Variants in GRIK1 observed in about 807,000 individuals in gnomAD.
GRIK1 encodes the protein glutamate ionotropic receptor kainate type subunit 1.
Under a neutral mutation model 105.7 loss-of-function variants are expected in GRIK1, and 69 were observed. The observed-to-expected ratio is 0.65, with a 90% CI of 0.54 to 0.80. The LOEUF (loss-of-function observed/expected upper bound fraction) is 0.80. Ranked by LOEUF, GRIK1 falls within the 30% of genes least tolerant of loss-of-function variation. GRIK1 has a pLI of 0.00. For synonymous variants in GRIK1, 438 were observed against 431.3 expected (o/e 1.02, Z -0.19); for missense variants, 1,109 against 1,167.3 (o/e 0.95, Z 0.73).
At chr21:29,647,140 A>T (rs1776813788) in intron 6 of GRIK1, among the ~76,000 whole-genome samples, 2 of 152,170 alleles carry the variant, frequency 1.3e-5, no homozygotes. Flanking sequence ...CACCGTGCCC[A>T]GCCTCTTGTT....
At chr21:29,618,401 A>G (rs1268126234) in intron 7 of GRIK1, among the ~76,000 whole-genome samples, 1 of 152,206 alleles carries the variant, frequency 6.6e-6, no homozygotes, top group African/African-American at 2.4e-5. Context: ...ACACTTCTAC[A>G]CTGCTGGTGG....
chr21:29,851,722 T>C (rs2068310377), intron 1 of GRIK1, among the ~76,000 whole-genome samples: 1 of 151,954 alleles, frequency 6.6e-6, no homozygotes, highest in Admixed American at 6.6e-5. Flanking sequence ...GTCTACCTCA[T>C]GGCCTCAACT....
At chr21:29,539,667 G>A (rs774355465) in intron 16 of GRIK1, among the ~76,000 whole-genome samples, 2 of 152,102 alleles carry the variant, frequency 1.3e-5, no homozygotes, top group Non-Finnish European at 2.9e-5. Context: ...TTGTATCAGA[G>A]TTTTGCAAAC....
intron 1 of GRIK1, among the ~76,000 whole-genome samples, chr21:29,775,954 A>C (rs905551197): frequency 6.6e-5 from 10 of 152,202 alleles, no homozygotes; most frequent in Non-Finnish European, 1.3e-4. Flanking sequence ...TAATTGACTC[A>C]AGGTTCAGCA....
chr21:29,672,914 A>G (rs2063186197), intron 4 of GRIK1, 69 bp downstream of exon 4: 4 of 1,119,642 alleles, frequency 3.6e-6, no homozygotes, highest in African/African-American at 1.6e-5. Flanking sequence ...AGTGAAAACT[A>G]GATGGCATTT....
chr21:29,749,647 T>C (rs976736357), intron 1 of GRIK1, among the ~76,000 whole-genome samples: 1 of 152,234 alleles, frequency 6.6e-6, no homozygotes, highest in African/African-American at 2.4e-5. Flanking sequence ...TGTGAATTCA[T>C]GTGCAGCATT....
At chr21:29,695,424 A>G (rs1212745777) in intron 1 of GRIK1, among the ~76,000 whole-genome samples, 2 of 151,298 alleles carry the variant, frequency 1.3e-5, no homozygotes, top group Non-Finnish European at 2.9e-5. Context: ...TGACATATCT[A>G]TATCTATATC....
intron 13 of GRIK1, among the ~76,000 whole-genome samples, chr21:29,580,740 G>T (rs1170430956): frequency 1.3e-5 from 2 of 151,724 alleles, no homozygotes; most frequent in Non-Finnish European, 2.9e-5. Flanking sequence ...TATACCATAT[G>T]CCTGACATTG....
chr21:29,932,741 C>A (rs973608975), intron 1 of GRIK1, among the ~76,000 whole-genome samples: 3 of 151,708 alleles, frequency 2.0e-5, no homozygotes, highest in Admixed American at 1.3e-4. Flanking sequence ...AATTTGGATG[C>A]TTTTGTGTTG....
intron 1 of GRIK1, among the ~76,000 whole-genome samples, chr21:29,897,427 T>C (rs975641432): frequency 2.0e-5 from 3 of 152,094 alleles, no homozygotes; most frequent in East Asian, 1.9e-4. Flanking sequence ...TTGGAGAAAA[T>C]GAAGAAATTG....
intron 7 of GRIK1, among the ~76,000 whole-genome samples, chr21:29,638,691 C>A (rs1015375185): frequency 9.9e-5 from 15 of 152,142 alleles, no homozygotes; most frequent in Non-Finnish European, 1.6e-4. Context: ...TATACATGTA[C>A]ATTTTTTCTG....
At chr21:29,550,107 C>CAAAAAAAAAAAAAAAAAAAAAA (rs34939329) in intron 16 of GRIK1, among the ~76,000 whole-genome samples, 2 of 53,490 alleles carry the variant, frequency 3.7e-5, no homozygotes, top group African/African-American at 1.7e-4. Flanking sequence ...GACTCCATCT[C>CAAAAAAAAAAAAAAAAAAAAAA]AAAAAAAAAA....
chr21:29,865,192 T>C (rs1453091816), intron 1 of GRIK1, among the ~76,000 whole-genome samples: 2 of 152,224 alleles, frequency 1.3e-5, no homozygotes, highest in East Asian at 1.9e-4. Context: ...ATTTTAGACA[T>C]AATGTTATAG....
chr21:29,849,917 A>G lies in GRIK1; in HGVS notation c.118+89466T>C, dbSNP rs530100986. On this transcript the variant is annotated intron_variant, in intron 1 of 17. Transcript: ENST00000327783. ...CCTCTGGTGCCTCTAAGAGAGAATG[A>G]CTGAACCCAACAGTGGATGGCCCCT... Among the ~76,000 whole-genome samples the G allele has an allele frequency of 1.6e-4, 24 of 152,228 alleles. No individual in the cohort carries two copies. The East Asian group carries it at 4.6e-3, about 29-fold the overall frequency.
intron 1 of GRIK1, among the ~76,000 whole-genome samples, chr21:29,907,651 C>G (rs745663073): frequency 6.6e-6 from 1 of 151,998 alleles, no homozygotes; most frequent in African/African-American, 2.4e-5. Flanking sequence ...AATCAAAAGG[C>G]ATTCTATATG....
intron 1 of GRIK1, among the ~76,000 whole-genome samples, chr21:29,900,701 A>G (rs925131668): frequency 3.3e-5 from 5 of 152,112 alleles, no homozygotes; most frequent in African/African-American, 1.2e-4. Context: ...AGACTTTAAC[A>G]CTCCACTGTC....
At position 29,682,437 on chromosome 21, in the gene GRIK1, G is replaced by A. The variant is rs1053341556; in HGVS notation, c.544+7291C>T. ...CATAGGTAAATTTTAGAACAGGAAA[G>A]TTCCTATTTGAAGCACCCTGTTTTC... On this transcript the variant is annotated intron_variant, in intron 3 of 17. Coordinates refer to ENST00000327783, the MANE Select transcript of GRIK1 (RefSeq NM_001330994.2). Among the ~76,000 whole-genome samples, 3 of 152,130 alleles carry A rather than the reference G, an allele frequency of 2.0e-5. No individual in the cohort carries two copies. The East Asian group carries it at 5.8e-4, about 29-fold the overall frequency.
At chr21:29,627,488 G>A (rs144585723) in intron 7 of GRIK1, among the ~76,000 whole-genome samples, 222 of 152,258 alleles carry the variant, frequency 1.5e-3, no homozygotes, top group African/African-American at 4.9e-3. Flanking sequence ...AGAGATTCCC[G>A]TGCCCCACAC....
intron 15 of GRIK1, among the ~76,000 whole-genome samples, chr21:29,560,448 TCCC>T (rs1287283095): frequency 5.0e-5 from 7 of 138,788 alleles, no homozygotes; most frequent in African/African-American, 8.4e-5. Context: ...TTTTTCTTTC[TCCC>T]TTTCTTTCCT....
Sources: allele counts gnomAD v4.1 joint callset (sites outside exome capture counted in the v4.1 genomes callset), GRCh38; gene constraint gnomAD v4.1.1; transcripts MANE v1.5; gene names NCBI Gene and HGNC (gene_info 2026-07-23, HGNC 2026-07-21).